SHANK2: variants seen among roughly 807,000 people sequenced by gnomAD.
SHANK2 encodes SH3 and multiple ankyrin repeat domains 2.
In SHANK2, 43 loss-of-function variants were observed where a neutral mutation model predicts 133.7. That is an observed-to-expected ratio of 0.32 (90% CI 0.25 to 0.41). The LOEUF is 0.41. SHANK2 is among the 10% of genes least tolerant of loss of function. The pLI, the probability that SHANK2 is intolerant of heterozygous loss-of-function variation, is 1.00. For missense variants in SHANK2, 1,994 were observed against 2,235.8 expected, an observed-to-expected ratio of 0.89 and a Z score of 2.18; for synonymous variants, 1,017 against 952.8, an observed-to-expected ratio of 1.07 and a Z score of -1.24.
At chr11:70,636,374 TGTGA>T (rs1322685530) in intron 17 of SHANK2, among the ~76,000 whole-genome samples, 2 of 115,174 alleles carry the variant, frequency 1.7e-5, no homozygotes, top group Admixed American at 8.3e-5. Flanking sequence ...TGTGTATGAA[TGTGA>T]GTCTGTGTGT....
chr11:70,580,466 T>G (rs1554985176), intron 17 of SHANK2, among the ~76,000 whole-genome samples: 1 of 152,198 alleles, frequency 6.6e-6, no homozygotes, highest in East Asian at 1.9e-4. Context: ...AGGATGAAAT[T>G]GGACCGCCAA....
intron 17 of SHANK2, among the ~76,000 whole-genome samples, chr11:70,586,433 T>C (rs927519706): frequency 1.3e-5 from 2 of 152,126 alleles, no homozygotes; most frequent in African/African-American, 2.4e-5. Context: ...ACCTATTGGC[T>C]TCTCTTAAGG....
intron 2 of SHANK2, among the ~76,000 whole-genome samples, chr11:71,223,680 C>T (rs569895410): frequency 2.0e-4 from 31 of 152,326 alleles, no homozygotes; most frequent in Middle Eastern, 6.8e-3. Context: ...CTGTACGGCC[C>T]TTCCACAGTA....
intron 21 of SHANK2, among the ~76,000 whole-genome samples, chr11:70,492,796 T>TG (rs2058911751): frequency 7.1e-6 from 1 of 141,078 alleles, no homozygotes; most frequent in Non-Finnish European, 1.5e-5. Flanking sequence ...TGTTTTTTTT[T>TG]TTTTTTTTTT....
At chr11:70,565,497 C>T (rs1030761682) in intron 17 of SHANK2, among the ~76,000 whole-genome samples, 12 of 152,322 alleles carry the variant, frequency 7.9e-5, no homozygotes, top group African/African-American at 2.2e-4. Context: ...CCACCCACCT[C>T]GGCCTCCGAA....
At chr11:70,783,520 A>T (rs782028162) in intron 14 of SHANK2, among the ~76,000 whole-genome samples, 1 of 152,114 alleles carries the variant, frequency 6.6e-6, no homozygotes, top group Non-Finnish European at 1.5e-5. Flanking sequence ...AGCACAGCAC[A>T]CGCCAATCCT....
rs143462551 is a variant in SHANK2 at position 70,470,082 on chromosome 11, A to G, written c.*2787T>C. On this transcript the variant is annotated 3_prime_UTR_variant, in exon 26 of 26. Transcript: ENST00000601538. Reference sequence around the variant, plus strand: ...TTCCACCATTAAAGAGGGGCATGGAATAGGGCCTCGTCCTAACATGTCCCA... The same window carrying G: ...TTCCACCATTAAAGAGGGGCATGGAGTAGGGCCTCGTCCTAACATGTCCCA... The G allele has an allele frequency of 6.5e-6, 1 of 152,784 alleles. No homozygotes were observed. Among genetic ancestry groups the G allele is most frequent in the African/African-American group, 2.4e-5 (1 of 41,594 alleles). The allele number at this position is 152,784 out of a possible 1,614,324, so 9.5% of individuals were successfully genotyped here.
intron 6 of SHANK2, among the ~76,000 whole-genome samples, chr11:71,105,772 C>T (rs782672825): frequency 2.6e-5 from 4 of 151,934 alleles, no homozygotes; most frequent in Admixed American, 6.6e-5. Context: ...ATGTAAGCTC[C>T]GGACTGGAGG....
At chr11:70,504,612 T>TAA in intron 17 of SHANK2, among the ~76,000 whole-genome samples, 1 of 152,286 alleles carries the variant, frequency 6.6e-6, no homozygotes, top group African/African-American at 2.4e-5. Flanking sequence ...GCCCTGAAGA[T>TAA]AGAGTCTTGG....
intron 3 of SHANK2, among the ~76,000 whole-genome samples, chr11:71,124,991 T>C (rs1205069333): frequency 6.6e-6 from 1 of 152,184 alleles, no homozygotes; most frequent in Non-Finnish European, 1.5e-5. Context: ...TCAGTGATCT[T>C]TGATGTTACT....
At chr11:70,719,363 A>G (rs1447715654) in intron 14 of SHANK2, among the ~76,000 whole-genome samples, 2 of 152,212 alleles carry the variant, frequency 1.3e-5, no homozygotes, top group Non-Finnish European at 2.9e-5. Context: ...CCCACTATCC[A>G]TGCCTGCTGC....
intron 17 of SHANK2, among the ~76,000 whole-genome samples, chr11:70,593,699 G>C (rs1357435106): frequency 1.3e-5 from 2 of 152,230 alleles, no homozygotes; most frequent in Admixed American, 6.5e-5. Context: ...CTGGGGCAGG[G>C]TTGGGCAGGT....
At chr11:70,838,499 C>T (rs1948857274) in intron 11 of SHANK2, among the ~76,000 whole-genome samples, 1 of 152,038 alleles carries the variant, frequency 6.6e-6, no homozygotes, top group Non-Finnish European at 1.5e-5. Flanking sequence ...ATGCCTTGCC[C>T]CGTGGAGGTG....
At chr11:71,248,996 G>A (rs1948132748) in intron 1 of SHANK2, among the ~76,000 whole-genome samples, 1 of 152,166 alleles carries the variant, frequency 6.6e-6, no homozygotes, top group African/African-American at 2.4e-5. Flanking sequence ...CAGGCCCTCA[G>A]ATGATTATTC....
rs78713040 is a variant in SHANK2, at chr11:70,954,128, C to T, written c.1108-57561G>A. On this transcript the variant is annotated intron_variant, in intron 10 of 25. Coordinates refer to ENST00000601538, the MANE Select transcript of SHANK2 (RefSeq NM_012309.5). ...AGAGGAAGGTCCTGGGAGAAAACGC[C>T]ATGACCTTGTTCCCACATCCACGTG... Among the ~76,000 whole-genome samples, 1,232 of 152,350 alleles carry T rather than the reference C, an allele frequency of 8.1e-3. 17 individuals are homozygous for T. Among genetic ancestry groups the T allele is most frequent in the African/African-American group, 0.028 (1,155 of 41,576 alleles).
intron 2 of SHANK2, among the ~76,000 whole-genome samples, chr11:71,184,351 C>A (rs929094606): frequency 6.6e-6 from 1 of 152,190 alleles, no homozygotes; most frequent in Non-Finnish European, 1.5e-5. Context: ...AGGCTGCACA[C>A]AGAGGCATCC....
At chr11:71,212,179 A>G (rs1954295896) in intron 2 of SHANK2, among the ~76,000 whole-genome samples, 2 of 152,312 alleles carry the variant, frequency 1.3e-5, no homozygotes, top group South Asian at 4.1e-4. Flanking sequence ...GGAAGCTCAG[A>G]GATTAAAAAC....
intron 14 of SHANK2, among the ~76,000 whole-genome samples, chr11:70,767,828 T>C (rs1947155208): frequency 6.6e-6 from 1 of 152,302 alleles, no homozygotes; most frequent in South Asian, 2.1e-4. Context: ...TACTTTAAAA[T>C]GGTTAATGTC....
chr11:71,177,797 G>A (rs553700850), intron 2 of SHANK2, among the ~76,000 whole-genome samples: 20 of 152,056 alleles, frequency 1.3e-4, no homozygotes, highest in Non-Finnish European at 2.4e-4. Flanking sequence ...TATGCAAATC[G>A]CAAATAAGCA....
Sources: allele counts gnomAD v4.1 joint callset (sites outside exome capture counted in the v4.1 genomes callset), GRCh38; gene constraint gnomAD v4.1.1; transcripts MANE v1.5; gene names NCBI Gene and HGNC (gene_info 2026-07-23, HGNC 2026-07-21).